HERC2: variants seen among roughly 807,000 people sequenced by gnomAD.
The protein encoded by HERC2 is HECT and RLD domain containing E3 ubiquitin protein ligase 2.
Under a neutral mutation model 537.7 loss-of-function variants are expected in HERC2, and 102 were observed. The observed-to-expected ratio is 0.19, with a 90% CI of 0.16 to 0.22. The LOEUF (loss-of-function observed/expected upper bound fraction) is 0.22, where lower values mean the gene tolerates loss of function less well. Among genes scored for constraint, HERC2 ranks in the 10% least tolerant of loss-of-function variants. The pLI is 1.00. For synonymous variants in HERC2, 2,224 were observed against 2,466.2 expected, an observed-to-expected ratio of 0.90 and a Z score of 2.91; for missense variants, 4,236 against 6,198.2, an observed-to-expected ratio of 0.68 and a Z score of 10.63.
At chr15:28,112,342 G>C (rs1437407934) in intron 92 of HERC2, among the ~76,000 whole-genome samples, 1 of 152,148 alleles carries the variant, frequency 6.6e-6, no homozygotes. Context: ...CGTGACCACG[G>C]GAGAGCTCTT....
At chr15:28,193,647 T>C (rs1038543422) in intron 52 of HERC2, among the ~76,000 whole-genome samples, 1 of 152,104 alleles carries the variant, frequency 6.6e-6, no homozygotes, top group African/African-American at 2.4e-5. Flanking sequence ...AACATCTCCA[T>C]GCACATGTAA....
intron 2 of HERC2, 106 bp from the exon 3 acceptor site, chr15:28,299,622 A>C (rs1372811643): frequency 7.9e-6 from 5 of 632,904 alleles, no homozygotes; most frequent in Non-Finnish European, 1.4e-5. Context: ...GTATTCGATC[A>C]TTTGGTAATA....
chr15:28,320,264 A>G (rs1460071439), intron 2 of HERC2: 1 of 152,154 alleles, frequency 6.6e-6, no homozygotes, highest in Non-Finnish European at 1.5e-5. Context: ...ACAGGCATAC[A>G]CCACCACGCC....
At chr15:28,201,402 A>C in intron 48 of HERC2, 54 bp downstream of exon 48, 1 of 1,177,494 alleles carries the variant, frequency 8.5e-7, no homozygotes. Context: ...GACATACTCA[A>C]ATATTTGCTG....
intron 25 of HERC2, 96 bp from the exon 26 acceptor site, chr15:28,237,209 G>A (rs1388095338): frequency 1.1e-5 from 13 of 1,167,438 alleles, no homozygotes; most frequent in East Asian, 4.8e-5. Flanking sequence ...GTAACCGCAC[G>A]TGAGCCCAGG....
rs1488979987 is a variant in HERC2 at position 28,122,235 on chromosome 15, G to A, written c.13189-806C>T. ...GGACCCAGCCGTTCCCCAGGAGGGA[G>A]CAGGTCGGCCATGCCCGTGGGGAAA... On this transcript the variant is annotated intron_variant, in intron 85 of 92. Transcript: ENST00000261609. The surrounding 1 kb of genome is among the most constrained non-coding windows in gnomAD (Gnocchi z 4.1). Among the ~76,000 whole-genome samples, 5 of 152,258 alleles carry A rather than the reference G, an allele frequency of 3.3e-5. No individual in the cohort carries two copies. The highest frequency in any genetic ancestry group is 7.3e-5 in the Non-Finnish European group (5 of 68,040).
chr15:28,241,597 A>C (rs942553949), intron 23 of HERC2, among the ~76,000 whole-genome samples: 80 of 152,298 alleles, frequency 5.3e-4, no homozygotes, highest in African/African-American at 1.8e-3. Flanking sequence ...CGAGGTGGGC[A>C]GATCACAAGG....
chr15:28,301,418 C>T (rs1403587762), intron 2 of HERC2, among the ~76,000 whole-genome samples: 1 of 135,378 alleles, frequency 7.4e-6, no homozygotes, highest in African/African-American at 2.7e-5. Context: ...TTACCTCAAA[C>T]AAAAAAAAAA....
At chr15:28,200,327 G>C (rs567328711) in intron 48 of HERC2, among the ~76,000 whole-genome samples, 2 of 152,068 alleles carry the variant, frequency 1.3e-5, no homozygotes, top group African/African-American at 4.8e-5. Context: ...CCCGGGAGGC[G>C]GAGCTTGTAG....
intron 86 of HERC2, among the ~76,000 whole-genome samples, chr15:28,119,130 G>A (rs566213110): frequency 3.3e-5 from 5 of 152,006 alleles, no homozygotes; most frequent in African/African-American, 1.2e-4. Context: ...GGCTGGGTGC[G>A]GTGGCTCATG....
At chr15:28,303,645 A>C (rs1419101714) in intron 2 of HERC2, among the ~76,000 whole-genome samples, 1 of 152,188 alleles carries the variant, frequency 6.6e-6, no homozygotes, top group African/African-American at 2.4e-5. Flanking sequence ...TGGGTAGTAC[A>C]GACATTTTAA....
At position 28,122,184 on chromosome 15, in the gene HERC2, G is replaced by A. The variant is rs1035506604; in HGVS notation, c.13189-755C>T. Among the ~76,000 whole-genome samples the A allele has an allele frequency of 6.6e-6, 1 of 152,240 alleles. No individual in the cohort carries two copies. The highest frequency in any genetic ancestry group is 2.4e-5 in the African/African-American group (1 of 41,474). ...GTGCCTGGGGTGAAGACAGCAGGGC[G>A]TGGCCAAACATCAGCACCACGGTGA... On this transcript the variant is annotated intron_variant, in intron 85 of 92. Coordinates refer to ENST00000261609, the MANE Select transcript of HERC2 (RefSeq NM_004667.6). This position sits in a 1 kb window ranked among gnomAD's most constrained non-coding sequence, Gnocchi z 4.1.
rs1003592904 is a variant in HERC2 at position 28,260,767 on chromosome 15, T to C, written c.2316+10A>G. Reference sequence around the variant, plus strand: ...CTCCAAAATACCAAATCAAGCTCTATATTCAGTACCTGGGCAGGCCCACAG... The same window carrying C: ...CTCCAAAATACCAAATCAAGCTCTACATTCAGTACCTGGGCAGGCCCACAG... On this transcript the variant is annotated intron_variant, in intron 16 of 92. Transcript: ENST00000261609. The C allele has an allele frequency of 1.2e-6, 2 of 1,610,654 alleles. No homozygotes were observed. The highest frequency in any genetic ancestry group is 1.7e-5 in the Admixed American group (1 of 59,840).
chr15:28,118,744 G>C (rs1354951569), intron 86 of HERC2, among the ~76,000 whole-genome samples: 1 of 152,188 alleles, frequency 6.6e-6, no homozygotes, highest in Non-Finnish European at 1.5e-5. Context: ...CTCCGTGCTG[G>C]TGTCCTGTGC....
intron 4 of HERC2, among the ~76,000 whole-genome samples, chr15:28,291,076 G>C (rs1423095086): frequency 6.6e-6 from 1 of 152,226 alleles, no homozygotes; most frequent in Non-Finnish European, 1.5e-5. Flanking sequence ...AACGGAAAGA[G>C]AGAAAATACA....
chr15:28,192,009 G>A lies in HERC2; in HGVS notation c.8403C>T (p.Leu2801=). ...GCCAGCAGGGCTCGCTGCCGTCAAT[G>A]AGACGGGATGCCTGGTTCACGGAGG... ...VSSSVNQASR[L]IDGSEPCWQS... is the part of the protein sequence containing the mutation. The change falls in exon 53 of 93, where the codon CTC becomes CTT. Residue 2801 remains leucine, a synonymous_variant. Coordinates refer to ENST00000261609, the MANE Select transcript of HERC2 (RefSeq NM_004667.6). 1.2e-6 allele frequency: 2 copies of A among 1,613,928 alleles called. No individual in the cohort carries two copies. The highest frequency in any genetic ancestry group is 1.3e-5 in the African/African-American group (1 of 75,038).
At chr15:28,124,890 A>T in intron 84 of HERC2, 116 bp downstream of exon 84, 1 of 1,089,198 alleles carries the variant, frequency 9.2e-7, no homozygotes, top group Non-Finnish European at 1.3e-6. Context: ...GTTAACATTT[A>T]CTGAGCCTGA....
intron 71 of HERC2, among the ~76,000 whole-genome samples, chr15:28,145,041 G>A (rs916224530): frequency 2.0e-5 from 3 of 152,226 alleles, no homozygotes; most frequent in African/African-American, 4.8e-5. Context: ...AGGAAACTGC[G>A]GCAGGCGGGC....
At chr15:28,248,774 A>C in intron 20 of HERC2, 38 bp from the exon 21 acceptor site, 5 of 1,525,654 alleles carry the variant, frequency 3.3e-6, no homozygotes, top group Non-Finnish European at 4.5e-6. Context: ...ATTAAACAAG[A>C]TATTTCTACT....
Sources: allele counts gnomAD v4.1 joint callset (sites outside exome capture counted in the v4.1 genomes callset), GRCh38; gene constraint gnomAD v4.1.1; non-coding constraint Gnocchi (gnomAD v3.1); transcripts MANE v1.5; gene names NCBI Gene and HGNC (gene_info 2026-07-23, HGNC 2026-07-21).